GTPBP2: variants seen among roughly 807,000 people sequenced by gnomAD.
GTPBP2 encodes the protein GTP-binding protein 2.
In GTPBP2, 32 loss-of-function variants were observed where a neutral mutation model predicts 63.0. The observed-to-expected ratio is 0.51, with a 90% CI of 0.38 to 0.68. The LOEUF is 0.68. Ranked by LOEUF, GTPBP2 falls within the 30% of genes least tolerant of loss-of-function variation. The probability of loss-of-function intolerance (pLI) is 0.00; values close to 1 mark genes in which losing one functional copy is unlikely to be tolerated. For missense variants in GTPBP2, 492 were observed against 796.9 expected (o/e 0.62, Z 4.61); for synonymous variants, 310 against 322.6 (o/e 0.96, Z 0.42).
At chr6:43,629,558 G>C, upstream of GTPBP2, 1 of 664,722 alleles carries the variant, frequency 1.5e-6, no homozygotes, top group Non-Finnish European at 2.7e-6. Context: ...TTAGAGCCTC[G>C]AGGCCTGGGG....
Position 43,621,610 on chromosome 6 carries a change from G to A in GTPBP2, c.*4C>T. The A allele has an allele frequency of 6.2e-7, 1 of 1,614,106 alleles. No individual in the cohort carries two copies. Among genetic ancestry groups the A allele is most frequent in the Non-Finnish European group, 8.5e-7 (1 of 1,179,964 alleles). On this transcript the variant is annotated 3_prime_UTR_variant, in exon 12 of 12. Coordinates refer to ENST00000307126, the MANE Select transcript of GTPBP2 (RefSeq NM_019096.5). ...AGCAATAGAACTGTCCCTGCCTGAA[G>A]GGTTCAGAAGCCCATGTTGGCCTGG...
Position 43,623,813 on chromosome 6 carries a change from G to T in GTPBP2, c.1237-18C>A. 1 of 1,609,656 alleles carries T rather than the reference G, an allele frequency of 6.2e-7. No individual in the cohort carries two copies. Among genetic ancestry groups the T allele is most frequent in the Non-Finnish European group, 8.5e-7 (1 of 1,177,268 alleles). ...TCATCCACCTGAAGCCAAAGAAAAC[G>T]CTATCAATGGCCTGCCAAGTAGGGC... On this transcript the variant is annotated intron_variant, in intron 8 of 11. Coordinates refer to ENST00000307126, the MANE Select transcript of GTPBP2 (RefSeq NM_019096.5).
chr6:43,626,986 A>C lies in GTPBP2; in HGVS notation c.187-38T>G. ...AGTGAGCAGTTACCATACACTGTAC[A>C]GACCCAATCCCTACTTCCCCTCAAT... On this transcript the variant is annotated intron_variant, in intron 1 of 11. Coordinates refer to ENST00000307126, the MANE Select transcript of GTPBP2 (RefSeq NM_019096.5). The surrounding 1 kb of genome is among the most constrained non-coding windows in gnomAD (Gnocchi z 4.0). 6.4e-7 allele frequency: 1 copy of C among 1,568,138 alleles called. No individual in the cohort carries two copies. Among genetic ancestry groups the C allele is most frequent in the South Asian group, 1.1e-5 (1 of 87,346 alleles).
At position 43,629,261 on chromosome 6, in the gene GTPBP2, G is replaced by C; in HGVS notation, c.-99C>G. The C allele has an allele frequency of 1.1e-6, 1 of 903,142 alleles. No homozygotes were observed. The highest frequency in any genetic ancestry group is 1.5e-6 in the Non-Finnish European group (1 of 657,620). The allele number at this position is 903,142 out of a possible 1,614,324, so 55.9% of individuals were successfully genotyped here. ...CTGCCGTGTCCGGCCGGCCTGAGCA[G>C]AGTGGGGTGGGGCTCTGCACAAGCT... On this transcript the variant is annotated 5_prime_UTR_variant, in exon 1 of 12. Coordinates refer to ENST00000307126, the MANE Select transcript of GTPBP2 (RefSeq NM_019096.5).
intron 1 of GTPBP2, chr6:43,627,202 C>T: frequency 1.2e-6 from 1 of 866,542 alleles, no homozygotes; most frequent in Non-Finnish European, 1.5e-6. Context: ...CTGAATCAAT[C>T]CATTCTTTGA....
Position 43,622,492 on chromosome 6 carries a change from A to T in GTPBP2, c.1467+141T>A. On this transcript the variant is annotated intron_variant, in intron 10 of 11. Coordinates refer to ENST00000307126, the MANE Select transcript of GTPBP2 (RefSeq NM_019096.5). This position sits in a 1 kb window ranked among gnomAD's most constrained non-coding sequence, Gnocchi z 5.4. Reference sequence around the variant, plus strand: ...GTTAAGCTGTTTTTATAGTCTACGTAGCTAGACCAGAAGCTTCTTGGGTCA... The same window carrying T: ...GTTAAGCTGTTTTTATAGTCTACGTTGCTAGACCAGAAGCTTCTTGGGTCA... 1.3e-6 allele frequency: 1 copy of T among 788,596 alleles called. No individual in the cohort carries two copies. Among genetic ancestry groups the T allele is most frequent in the Middle Eastern group, 2.4e-4 (1 of 4,188 alleles). 48.8% of individuals were successfully genotyped at this position (788,596 alleles called of 1,614,324 possible).
rs530544901 is a variant in GTPBP2 at position 43,629,175 on chromosome 6, C to T, written c.-13G>A. 1.3e-4 allele frequency: 183 copies of T among 1,401,014 alleles called. No individual in the cohort carries two copies. The African/African-American group carries it at 2.6e-3, about 20-fold the overall frequency. 86.8% of individuals were successfully genotyped at this position (1,401,014 alleles called of 1,614,324 possible). ...CCCGCGAGTCCATCCGCCGCTGCCGCCAGCCCCCCGCCCGGCCCCTCCCCC... is the reference window on the plus strand; with the variant it reads ...CCCGCGAGTCCATCCGCCGCTGCCGTCAGCCCCCCGCCCGGCCCCTCCCCC... On this transcript the variant is annotated 5_prime_UTR_variant, in exon 1 of 12. Coordinates refer to ENST00000307126, the MANE Select transcript of GTPBP2 (RefSeq NM_019096.5).
chr6:43,630,690 C>T (rs1038975311), upstream of GTPBP2, among the ~76,000 whole-genome samples: 4 of 151,514 alleles, frequency 2.6e-5, no homozygotes, highest in Admixed American at 2.6e-4. Flanking sequence ...TTGCAGTGAC[C>T]CGAGATCACG....
chr6:43,625,928 G>A lies in GTPBP2; in HGVS notation c.399-64C>T, dbSNP rs1453269155. 5.3e-6 allele frequency: 7 copies of A among 1,309,896 alleles called. No individual in the cohort carries two copies. The African/African-American group carries it at 1.0e-4, about 19-fold the overall frequency. 81.1% of individuals were successfully genotyped at this position (1,309,896 alleles called of 1,614,324 possible). ...CCTTCTCCTATTCCAGGCTCGCTCT[G>A]GACCTACAGACTTCCTGCACCTCCC... On this transcript the variant is annotated intron_variant, in intron 3 of 11. Transcript: ENST00000307126. This position sits in a 1 kb window ranked among gnomAD's most constrained non-coding sequence, Gnocchi z 5.1.
chr6:43,628,985 G>A lies in GTPBP2; in HGVS notation c.178C>T (p.Pro60Ser). ...GGKANNPPYL[P>S]PEAEDGNIEY... ...ACTTCTCAGGTGCTCACCTCGGGGG[G>A]CAAATACGGGGGGTTGTTGGCTTTG... The change falls in exon 1 of 12, where the codon CCC becomes TCC. Residue 60 changes from proline (P) to serine (S), a missense_variant. Physicochemically the swap from Pro to Ser is moderately conservative, Grantham distance 74. Around this residue, in one of 2 missense-constraint regions of GTPBP2, gnomAD observed 92 missense variants for 86.1 expected, o/e 1.07. Transcript: ENST00000307126. 2.5e-6 allele frequency: 4 copies of A among 1,613,726 alleles called. No homozygotes were observed. The highest frequency in any genetic ancestry group is 3.4e-6 in the Non-Finnish European group (4 of 1,179,704).
upstream of GTPBP2, chr6:43,629,767 G>A (rs985979450): frequency 3.2e-6 from 5 of 1,561,612 alleles, no homozygotes; most frequent in African/African-American, 6.8e-5. Flanking sequence ...GCGTGCCGCT[G>A]GGGTGAGTCA....
In GTPBP2 at chr6:43,625,814, C is replaced by A. The variant is rs1224766678; in HGVS notation, c.449G>T (p.Ser150Ile). The A allele has an allele frequency of 1.2e-6, 2 of 1,614,014 alleles. No homozygotes were observed. The highest frequency in any genetic ancestry group is 2.7e-5 in the African/African-American group (2 of 74,902). ...CTCGGTGATCTTCCGGGGCATGTCG[C>A]TATCATAATCCACTTCTCGCTCTCG... Reference protein sequence around the residue: ...VLREREVDYDSDMPRKITEVL... With the variant: ...VLREREVDYDIDMPRKITEVL... Residue 150 changes from serine to isoleucine, a missense_variant, in exon 4 of 12, where the codon AGC becomes ATC. This residue lies in a region of GTPBP2 where 400 missense variants were observed against 710.8 expected (regional missense o/e 0.56). Coordinates refer to ENST00000307126, the MANE Select transcript of GTPBP2 (RefSeq NM_019096.5). The surrounding 1 kb of genome is among the most constrained non-coding windows in gnomAD (Gnocchi z 5.1).
upstream of GTPBP2, chr6:43,629,860 G>A (rs1037507033): frequency 3.1e-5 from 45 of 1,434,314 alleles, no homozygotes; most frequent in African/African-American, 4.7e-4. Flanking sequence ...CCTTTACATA[G>A]TAGTCACTGC....
intron 1 of GTPBP2, chr6:43,628,773 C>T (rs1769648533): frequency 1.3e-6 from 1 of 793,408 alleles, no homozygotes; most frequent in East Asian, 2.5e-5. Context: ...ACTCTTCCTC[C>T]CTGAGGTCCT....
At chr6:43,628,924 C>T (rs1016788753) in intron 1 of GTPBP2, 53 bp downstream of exon 1, 2 of 1,565,978 alleles carry the variant, frequency 1.3e-6, no homozygotes, top group Non-Finnish European at 1.8e-6. Context: ...TCCCTAGAGT[C>T]CTGGGCCGGA....
chr6:43,621,273 G>A lies in GTPBP2; in HGVS notation c.*341C>T. The A allele has an allele frequency of 1.9e-6, 1 of 534,496 alleles. No individual in the cohort carries two copies. The highest frequency in any genetic ancestry group is 3.3e-6 in the Non-Finnish European group (1 of 300,596). The allele number at this position is 534,496 out of a possible 1,614,324, so 33.1% of individuals were successfully genotyped here. A position where few individuals can be genotyped will look rare whatever the true frequency, so the allele number is the denominator to read the frequency against. On this transcript the variant is annotated 3_prime_UTR_variant, in exon 12 of 12. Coordinates refer to ENST00000307126, the MANE Select transcript of GTPBP2 (RefSeq NM_019096.5). ...TTCCTGAAGTGCAGAGACCACACCA[G>A]CAAAACATGCCCAGTCTTAGTAGTG...
upstream of GTPBP2, among the ~76,000 whole-genome samples, chr6:43,630,856 C>G (rs1165181882): frequency 7.3e-6 from 1 of 137,718 alleles, no homozygotes; most frequent in Admixed American, 7.7e-5. Context: ...TTATAGTGAA[C>G]TGAGATCATG....
Position 43,626,447 on chromosome 6 carries a change from G to C in GTPBP2, c.214-37C>G, listed in dbSNP as rs772478067. 11 of 1,574,342 alleles carry C rather than the reference G, an allele frequency of 7.0e-6. No homozygotes were observed. In the East Asian group the frequency reaches 2.5e-4, roughly 35 times the overall value. On this transcript the variant is annotated intron_variant, in intron 2 of 11. Coordinates refer to ENST00000307126, the MANE Select transcript of GTPBP2 (RefSeq NM_019096.5). This position sits in a 1 kb window ranked among gnomAD's most constrained non-coding sequence, Gnocchi z 4.0. The stretch of plus-strand genomic sequence containing the variant: ...TGGGGTATCATAAGGTGAAATCAGA[G>C]GTGTTCCTCCCAAACCTACATGGTC...
intron 1 of GTPBP2, 184 bp downstream of exon 1, chr6:43,628,793 G>T (rs557075932): frequency 2.5e-6 from 2 of 811,612 alleles, no homozygotes; most frequent in Admixed American, 3.4e-5. Flanking sequence ...TGTCACCTGA[G>T]AGTCCAGTCT....
Sources: gnomAD v4.1 joint callset for allele counts (sites outside exome capture counted in the v4.1 genomes callset) on GRCh38, gnomAD v4.1.1 for gene constraint, gnomAD v4.1.1 regional missense constraint, Gnocchi (gnomAD v3.1) non-coding constraint, MANE v1.5 for transcripts, NCBI Gene and HGNC (gene_info 2026-07-23, HGNC 2026-07-21) for gene names.